NXPE2: variants seen among roughly 807,000 people sequenced by gnomAD.
NXPE2 encodes NXPE family member 2.
NXPE2 carries 34 observed loss-of-function variants against 34.4 expected under a neutral mutation model. The ratio of observed to expected loss-of-function variants is 0.99; its 90% CI spans 0.75 to 1.31. The LOEUF is 1.31. Ranked by LOEUF, NXPE2 falls within the 40% of genes most tolerant of loss-of-function variation. The pLI, the probability that NXPE2 is intolerant of heterozygous loss-of-function variation, is 0.00. For missense variants in NXPE2, 649 were observed against 672.5 expected, an observed-to-expected ratio of 0.97 and a Z score of 0.39; for synonymous variants, 235 against 231.3, an observed-to-expected ratio of 1.02 and a Z score of -0.15.
chr11:114,535,335 T>C, the NXPE2 span, among the ~76,000 whole-genome samples: 1 of 151,976 alleles, frequency 6.6e-6, no homozygotes, highest in Non-Finnish European at 1.5e-5. Flanking sequence ...ACAAGCCAAA[T>C]TGTAAAGAAT....
chr11:114,773,288 C>CTG, the NXPE2 span, among the ~76,000 whole-genome samples: 1 of 95,870 alleles, frequency 1.0e-5, no homozygotes. Flanking sequence ...CACCCCCCCC[C>CTG]CACCCCATTC....
intron 3 of NXPE2, among the ~76,000 whole-genome samples, chr11:114,699,825 G>T (rs967172576): frequency 2.1e-5 from 3 of 144,662 alleles, no homozygotes; most frequent in Non-Finnish European, 4.5e-5. Context: ...ACCGAGTCTC[G>T]CTCTGTCACC....
At chr11:114,472,289 A>G in the NXPE2 span, among the ~76,000 whole-genome samples, 22 of 152,370 alleles carry the variant, frequency 1.4e-4, no homozygotes, top group African/African-American at 5.0e-4. Flanking sequence ...ATTGTCCTAA[A>G]GCAGGGGTGT....
the NXPE2 span, among the ~76,000 whole-genome samples, chr11:114,569,847 A>G: frequency 6.6e-6 from 1 of 152,116 alleles, no homozygotes; most frequent in Non-Finnish European, 1.5e-5. Flanking sequence ...CCTCACCCCC[A>G]CACTCAAGTT....
chr11:114,582,882 A>T, the NXPE2 span: 1 of 1,614,030 alleles, frequency 6.2e-7, no homozygotes, highest in East Asian at 2.2e-5. Context: ...CTGCTGATCT[A>T]GTTTCTCTAT....
At chr11:114,518,648 C>T in the NXPE2 span, among the ~76,000 whole-genome samples, 628 of 152,260 alleles carry the variant, frequency 4.1e-3, 2 homozygotes, top group African/African-American at 0.014. Flanking sequence ...GTATCCTTTG[C>T]TCTGTGGTGA....
At chr11:114,806,197 G>A in the NXPE2 span, among the ~76,000 whole-genome samples, 22 of 152,160 alleles carry the variant, frequency 1.4e-4, no homozygotes, top group South Asian at 6.2e-4. Context: ...CCATCTGTAC[G>A]TCACCATCAT....
the NXPE2 span, among the ~76,000 whole-genome samples, chr11:114,468,581 G>C: frequency 6.6e-6 from 1 of 152,144 alleles, no homozygotes; most frequent in South Asian, 2.1e-4. Context: ...ATTTGGAAGT[G>C]TCTGGAGATA....
intron 2 of NXPE2, among the ~76,000 whole-genome samples, chr11:114,695,671 AAAC>A (rs1285538617): frequency 6.6e-6 from 1 of 152,176 alleles, no homozygotes; most frequent in Non-Finnish European, 1.5e-5. Flanking sequence ...CACATCAGTG[AAAC>A]AACAGCGACT....
the NXPE2 span, chr11:114,530,662 C>T: frequency 3.1e-6 from 5 of 1,614,180 alleles, no homozygotes; most frequent in East Asian, 1.1e-4. Context: ...TCCAGCTGGT[C>T]TCCCCTGCAG....
At chr11:114,640,328 A>C in the NXPE2 span, among the ~76,000 whole-genome samples, 35 of 147,346 alleles carry the variant, frequency 2.4e-4, 1 homozygote, top group East Asian at 6.7e-3. Flanking sequence ...TTATATGTTT[A>C]TATTGTATCC....
chr11:114,632,602 T>C, the NXPE2 span, among the ~76,000 whole-genome samples: 2 of 105,014 alleles, frequency 1.9e-5, no homozygotes, highest in African/African-American at 3.9e-5. Flanking sequence ...TTGATGTATA[T>C]ATTTATATTT....
At chr11:114,482,585 T>C in the NXPE2 span, among the ~76,000 whole-genome samples, 1 of 152,232 alleles carries the variant, frequency 6.6e-6, no homozygotes, top group East Asian at 1.9e-4. Flanking sequence ...GTCAATTATG[T>C]TTCTTCAGTT....
chr11:114,565,789 A>G, the NXPE2 span, among the ~76,000 whole-genome samples: 2 of 152,206 alleles, frequency 1.3e-5, no homozygotes, highest in Non-Finnish European at 2.9e-5. Context: ...CAGTCTGGCT[A>G]CTAGGCAAAG....
the NXPE2 span, among the ~76,000 whole-genome samples, chr11:114,721,990 T>C: frequency 1.3e-5 from 2 of 152,220 alleles, no homozygotes; most frequent in Non-Finnish European, 2.9e-5. Flanking sequence ...GTTGTGATGT[T>C]TGACTTGAAA....
chr11:114,575,429 T>C, the NXPE2 span, among the ~76,000 whole-genome samples: 1 of 152,016 alleles, frequency 6.6e-6, no homozygotes, highest in Non-Finnish European at 1.5e-5. Flanking sequence ...TATGATAGTA[T>C]ACCTAGAAAA....
At chr11:114,795,126 C>T in the NXPE2 span, among the ~76,000 whole-genome samples, 9 of 152,102 alleles carry the variant, frequency 5.9e-5, no homozygotes, top group Non-Finnish European at 1.5e-5. Context: ...TAGGAGAAGG[C>T]TGAGTGACAG....
chr11:114,554,820 G>A, the NXPE2 span, among the ~76,000 whole-genome samples: 1 of 152,086 alleles, frequency 6.6e-6, no homozygotes, highest in Non-Finnish European at 1.5e-5. Flanking sequence ...GAAAATAAAG[G>A]TGTTATTTTT....
At chr11:114,642,870 A>G in the NXPE2 span, among the ~76,000 whole-genome samples, 1 of 151,794 alleles carries the variant, frequency 6.6e-6, no homozygotes, top group Non-Finnish European at 1.5e-5. Flanking sequence ...ACTAATTTAC[A>G]CTCTCACCAA....
Sources: gnomAD v4.1 joint callset for allele counts (sites outside exome capture counted in the v4.1 genomes callset) on GRCh38, gnomAD v4.1.1 for gene constraint, MANE v1.5 for transcripts, NCBI Gene and HGNC (gene_info 2026-07-23, HGNC 2026-07-21) for gene names.